Variants in CFAP99 observed in about 807,000 individuals in gnomAD.
CFAP99 encodes the protein cilia and flagella associated protein 99, also known as cilia- and flagella-associated protein 99.
In CFAP99, 84 loss-of-function variants were observed where a neutral mutation model predicts 82.7. The observed-to-expected ratio is 1.02, with a 90% CI of 0.85 to 1.22. CFAP99 has a LOEUF of 1.22. Ranked by LOEUF, CFAP99 falls within the 50% of genes most tolerant of loss-of-function variation. The pLI, the probability that CFAP99 is intolerant of heterozygous loss-of-function variation, is 0.00. For missense variants in CFAP99, 1,059 were observed against 983.5 expected, an observed-to-expected ratio of 1.08 and a Z score of -1.03; for synonymous variants, 456 against 429.5, an observed-to-expected ratio of 1.06 and a Z score of -0.76.
rs908769540 is a variant in CFAP99, at chr4:2,462,279, G to C, written c.1662-164G>C. 3.0e-5 allele frequency: 18 copies of C among 593,432 alleles called. No individual in the cohort carries two copies. The highest frequency in any genetic ancestry group is 1.3e-4 in the Admixed American group (3 of 23,060). The allele number at this position is 593,432 out of a possible 1,614,324, so 36.8% of individuals were successfully genotyped here. On this transcript the variant is annotated intron_variant, in intron 14 of 14. Coordinates refer to ENST00000635017, the Ensembl canonical transcript of CFAP99. The surrounding 1 kb of genome is among the most constrained non-coding windows in gnomAD (Gnocchi z 4.1). ...CCCTGAGCGGTGGTACTGTCTAGGA[G>C]CGCGCCGCGGCCCCTGGGCCTCGCT...
intron 14 of CFAP99, among the ~76,000 whole-genome samples, chr4:2,461,004 T>A (rs1164233799): frequency 6.6e-6 from 1 of 152,216 alleles, no homozygotes; most frequent in Non-Finnish European, 1.5e-5. Flanking sequence ...CCCAAAATGC[T>A]GGGATTACAG....
intron 4 of CFAP99, among the ~76,000 whole-genome samples, chr4:2,439,281 C>T (rs1391978357): frequency 6.6e-6 from 1 of 152,212 alleles, no homozygotes; most frequent in Non-Finnish European, 1.5e-5. Context: ...GTAGCGCAGC[C>T]AATTCCCAGA....
At chr4:2,452,177 C>T (rs1407232735) in exon 11 of CFAP99, 2 of 1,536,184 alleles carry the variant, frequency 1.3e-6, no homozygotes, top group Non-Finnish European at 1.7e-6. Flanking sequence ...GGGGACTTCT[C>T]TGAGTTCTTC....
At chr4:2,424,986 G>A (rs940311381) in intron 1 of CFAP99, among the ~76,000 whole-genome samples, 3 of 152,128 alleles carry the variant, frequency 2.0e-5, no homozygotes, top group Non-Finnish European at 2.9e-5. Context: ...TTCAGGAATC[G>A]TTCCCTGATT....
rs371628346 is a variant in CFAP99 at position 2,453,456 on chromosome 4, G to A, written c.1161+1110G>A. ...GTGGTTTTACTAAATATGGCCAATC[G>A]TCTCCCTGGTACTTTTACCATCTTC... On this transcript the variant is annotated intron_variant, in intron 11 of 14. Transcript: ENST00000635017. 2.8e-4 allele frequency among the ~76,000 whole-genome samples: 42 copies of A among 152,292 alleles called. No individual in the cohort carries two copies. In the East Asian group the frequency reaches 7.1e-3, roughly 26 times the overall value.
At chr4:2,449,637 G>A (rs1329602188) in intron 6 of CFAP99, 33 bp from the exon 7 acceptor site, 1 of 1,532,720 alleles carries the variant, frequency 6.5e-7, no homozygotes, top group Non-Finnish European at 8.7e-7. Context: ...CGCAGCTGCT[G>A]ACCATAGGCT....
chr4:2,427,549 C>T (rs1479574712), intron 2 of CFAP99: 5 of 152,394 alleles, frequency 3.3e-5, no homozygotes, highest in Non-Finnish European at 7.3e-5. Context: ...TGTGCTAATT[C>T]AGGCTGCCTG....
intron 13 of CFAP99, 86 bp from the exon 14 acceptor site, chr4:2,459,951 G>T: frequency 8.2e-7 from 1 of 1,222,266 alleles, no homozygotes; most frequent in Non-Finnish European, 1.2e-6. Context: ...CAAGGGGTGG[G>T]CCTATGGAAC....
Position 2,462,663 on chromosome 4 carries a change from T to TGGCG in CFAP99, c.1887_1890dup (p.Arg631GlyfsTer?). 1.6e-6 allele frequency: 2 copies of TGGCG among 1,268,220 alleles called. No individual in the cohort carries two copies. Among genetic ancestry groups the TGGCG allele is most frequent in the Non-Finnish European group, 2.0e-6 (2 of 1,009,184 alleles). The allele number at this position is 1,268,220 out of a possible 1,614,324, so 78.6% of individuals were successfully genotyped here. The stretch of plus-strand genomic sequence containing the variant: ...ACTGAAAGCCGGGGCCGGGTGGGGA[T>TGGCG]GGCGGGCGCGGCGCGCAGGGACCGG... On this transcript the variant is annotated frameshift_variant, in exon 15 of 15. Transcript: ENST00000635017. LOFTEE classifies it low-confidence loss of function (END_TRUNC). This position sits in a 1 kb window ranked among gnomAD's most constrained non-coding sequence, Gnocchi z 4.1.
chr4:2,422,316 CA>C (rs1733601529), intron 1 of CFAP99, among the ~76,000 whole-genome samples: 1 of 152,164 alleles, frequency 6.6e-6, no homozygotes, highest in Non-Finnish European at 1.5e-5. Context: ...ACCAGGGTTC[CA>C]GGGGCAGGGC....
chr4:2,434,427 C>T (rs1214030478), intron 2 of CFAP99, among the ~76,000 whole-genome samples: 2 of 152,242 alleles, frequency 1.3e-5, no homozygotes, highest in African/African-American at 2.4e-5. Context: ...AGCCCTAGAA[C>T]GAAGGACTGT....
At chr4:2,433,433 G>A (rs1049530874) in intron 2 of CFAP99, among the ~76,000 whole-genome samples, 1 of 151,080 alleles carries the variant, frequency 6.6e-6, no homozygotes, top group African/African-American at 2.5e-5. Flanking sequence ...GGGGCGGGGG[G>A]GGGACCAGTG....
At chr4:2,459,335 G>A (rs990627830) in intron 13 of CFAP99, 77 bp downstream of exon 13, 6 of 1,439,226 alleles carry the variant, frequency 4.2e-6, no homozygotes, top group Non-Finnish European at 5.5e-6. Flanking sequence ...AGTTTCCAGG[G>A]TTCCCACCAG....
At chr4:2,424,939 T>C (rs1733654933) in intron 1 of CFAP99, among the ~76,000 whole-genome samples, 1 of 152,206 alleles carries the variant, frequency 6.6e-6, no homozygotes, top group Non-Finnish European at 1.5e-5. Flanking sequence ...TTCTCTCTCT[T>C]GTCTCTCTGG....
At chr4:2,460,897 C>T (rs1336482187) in intron 14 of CFAP99, among the ~76,000 whole-genome samples, 1 of 152,120 alleles carries the variant, frequency 6.6e-6, no homozygotes, top group African/African-American at 2.4e-5. Context: ...CACCACCACG[C>T]CCGGCTAACT....
At chr4:2,454,581 C>CTTTTTTTTTTTTTTTT (rs200727697) in intron 11 of CFAP99, among the ~76,000 whole-genome samples, 198 of 94,542 alleles carry the variant, frequency 2.1e-3, no homozygotes, top group East Asian at 3.0e-3. Flanking sequence ...TGTTTTTTTT[C>CTTTTTTTTTTTTTTTT]TTTTTTTTTT....
At chr4:2,461,950 T>C (rs1432743928) in intron 14 of CFAP99, among the ~76,000 whole-genome samples, 1 of 151,520 alleles carries the variant, frequency 6.6e-6, no homozygotes, top group Admixed American at 6.6e-5. Context: ...CAGTTATGCA[T>C]ATAGTTAGTA....
chr4:2,462,605 G>A lies in CFAP99; in HGVS notation c.1824G>A (p.Arg608=), dbSNP rs746255548. The A allele has an allele frequency of 2.1e-6, 3 of 1,406,392 alleles. No homozygotes were observed. The highest frequency in any genetic ancestry group is 2.8e-6 in the Non-Finnish European group (3 of 1,083,310). The allele number at this position is 1,406,392 out of a possible 1,614,324, so 87.1% of individuals were successfully genotyped here. A position where few individuals can be genotyped will look rare whatever the true frequency, so the allele number is the denominator to read the frequency against. Residue 608 remains arginine, a synonymous_variant, in exon 15 of 15, where the codon CGG becomes CGA. Coordinates refer to ENST00000635017, the Ensembl canonical transcript of CFAP99. The surrounding 1 kb of genome is among the most constrained non-coding windows in gnomAD (Gnocchi z 4.1). ...CGCGGACCGCGCGCCCCAAGCCCCGGGTGAGTCCGGATTGGTGGGAGGAGC... is the reference window on the plus strand; with the variant it reads ...CGCGGACCGCGCGCCCCAAGCCCCGAGTGAGTCCGGATTGGTGGGAGGAGC...
intron 2 of CFAP99, 70 bp from the exon 3 acceptor site, chr4:2,436,804 T>A: frequency 3.1e-6 from 4 of 1,276,604 alleles, no homozygotes; most frequent in Non-Finnish European, 2.2e-6. Context: ...TTTGCCCAAG[T>A]GTCCCACCCC....
Sources: gnomAD v4.1 joint callset for allele counts (sites outside exome capture counted in the v4.1 genomes callset) on GRCh38, gnomAD v4.1.1 for gene constraint, Gnocchi (gnomAD v3.1) non-coding constraint, MANE v1.5 for transcripts, NCBI Gene and HGNC (gene_info 2026-07-23, HGNC 2026-07-21) for gene names.